MINK1: variants seen among roughly 807,000 people sequenced by gnomAD.
MINK1 encodes the protein misshapen-like kinase 1.
MINK1 carries 46 observed loss-of-function variants against 178.4 expected under a neutral mutation model. The observed-to-expected ratio is 0.26, with a 90% CI of 0.20 to 0.33. The LOEUF is 0.33. Ranked by LOEUF, MINK1 falls within the 10% of genes least tolerant of loss-of-function variation. The pLI is 1.00. For synonymous variants in MINK1, 797 were observed against 709.7 expected, an observed-to-expected ratio of 1.12 and a Z score of -1.96; for missense variants, 1,366 against 1,814.9, an observed-to-expected ratio of 0.75 and a Z score of 4.49.
chr17:4,885,404 CTG>C lies in MINK1; in HGVS notation c.509-72_509-71del. ...GGACCACAGCTGGCTCAGGCAAGTCCTGTGTGTGCACGCAGGGATGTGAGGCA... is the reference window on the plus strand; with the variant it reads ...GGACCACAGCTGGCTCAGGCAAGTCCTGTGTGCACGCAGGGATGTGAGGCA... On this transcript the variant is annotated intron_variant, in intron 6 of 31. Coordinates refer to ENST00000355280, the MANE Select transcript of MINK1 (RefSeq NM_153827.5). The surrounding 1 kb of genome is among the most constrained non-coding windows in gnomAD (Gnocchi z 5.0). 2.5e-6 allele frequency: 4 copies of C among 1,570,772 alleles called. No individual in the cohort carries two copies. The highest frequency in any genetic ancestry group is 3.5e-6 in the Non-Finnish European group (4 of 1,154,086).
At chr17:4,890,141 C>G in intron 13 of MINK1, 2 of 595,056 alleles carry the variant, frequency 3.4e-6, no homozygotes, top group Non-Finnish European at 5.1e-6. Context: ...CTTCCTCCTT[C>G]TCCAACTCGC....
chr17:4,870,786 C>T (rs1010551809), intron 1 of MINK1, among the ~76,000 whole-genome samples: 6 of 152,176 alleles, frequency 3.9e-5, no homozygotes, highest in African/African-American at 9.7e-5. Context: ...GATTACACTA[C>T]TGCACTCCAG....
Position 4,891,498 on chromosome 17 carries a change from C to T in MINK1, c.1783C>T (p.Pro595Ser). The T allele has an allele frequency of 6.2e-7, 1 of 1,609,906 alleles. No homozygotes were observed. Among genetic ancestry groups the T allele is most frequent in the South Asian group, 1.1e-5 (1 of 90,596 alleles). ...GGTCCCACTGAAGCCATATGCAGCA[C>T]CTGTACCCCGATCCCAGTCCCTGCA... ...HRVPLKPYAA[P>S]VPRSQSLQDQ... is the part of the protein sequence containing the mutation. The change falls in exon 16 of 32, where the codon CCT becomes TCT. Residue 595 changes from proline to serine, a missense_variant. Pro to Ser is a moderately conservative substitution (Grantham distance 74). Coordinates refer to ENST00000355280, the MANE Select transcript of MINK1 (RefSeq NM_153827.5).
Position 4,885,410 on chromosome 17 carries a change from G to A in MINK1, c.509-73G>A, listed in dbSNP as rs1968115114. ...CAGCTGGCTCAGGCAAGTCCTGTGT[G>A]TGCACGCAGGGATGTGAGGCAAGGG... On this transcript the variant is annotated intron_variant, in intron 6 of 31. Transcript: ENST00000355280. This position sits in a 1 kb window ranked among gnomAD's most constrained non-coding sequence, Gnocchi z 5.0. 6.3e-6 allele frequency: 10 copies of A among 1,578,946 alleles called. No individual in the cohort carries two copies. The highest frequency in any genetic ancestry group is 1.8e-4 in the Middle Eastern group (1 of 5,468).
chr17:4,881,373 C>A, intron 4 of MINK1, 116 bp downstream of exon 4: 3 of 1,195,376 alleles, frequency 2.5e-6, no homozygotes, highest in South Asian at 1.5e-5. Flanking sequence ...TCCCTCCGGT[C>A]TACCCAGCCT....
intron 1 of MINK1, among the ~76,000 whole-genome samples, chr17:4,848,427 C>T (rs1357627828): frequency 6.6e-6 from 1 of 152,232 alleles, no homozygotes; most frequent in Non-Finnish European, 1.5e-5. Context: ...GTGGCGTGAT[C>T]TCGGCTCACT....
At chr17:4,842,212 A>C (rs1244342309) in intron 1 of MINK1, among the ~76,000 whole-genome samples, 1 of 128,532 alleles carries the variant, frequency 7.8e-6, no homozygotes, top group Admixed American at 8.1e-5. Flanking sequence ...CGACAGAGCG[A>C]GACTCTGTCC....
Position 4,895,446 on chromosome 17 carries a change from A to C in MINK1, c.3182A>C (p.Gln1061Pro). 1.9e-6 allele frequency: 3 copies of C among 1,605,872 alleles called. No individual in the cohort carries two copies. Among genetic ancestry groups the C allele is most frequent in the Non-Finnish European group, 2.6e-6 (3 of 1,175,188 alleles). ...GGACTCATTGGGCGGCGACGCTTCCAGCAGATGGATGTGCTGGAGGGGCTC... is the reference window on the plus strand; with the variant it reads ...GGACTCATTGGGCGGCGACGCTTCCCGCAGATGGATGTGCTGGAGGGGCTC... ...VYGLIGRRRF[Q>P]QMDVLEGLNL... Residue 1061 changes from glutamine (Q) to proline (P), a missense_variant, in exon 26 of 32, where the codon CAG (glutamine) becomes CCG (proline). Gln to Pro is a moderately conservative substitution (Grantham distance 76). Transcript: ENST00000355280. The surrounding 1 kb of genome is among the most constrained non-coding windows in gnomAD (Gnocchi z 4.3).
At position 4,873,611 on chromosome 17, in the gene MINK1, T is replaced by A. The variant is rs533316404; in HGVS notation, c.58-4706T>A. On this transcript the variant is annotated intron_variant, in intron 1 of 31. Coordinates refer to ENST00000355280, the MANE Select transcript of MINK1 (RefSeq NM_153827.5). Reference sequence around the variant, plus strand: ...CAGCATGGTCTTCGCCACTCTTTTTTCTTTTCTTTTTTTTTTTTTTTTTTT... The same window carrying A: ...CAGCATGGTCTTCGCCACTCTTTTTACTTTTCTTTTTTTTTTTTTTTTTTT... Among the ~76,000 whole-genome samples, 5 of 122,020 alleles carry A rather than the reference T, an allele frequency of 4.1e-5. No individual in the cohort carries two copies. The South Asian group carries it at 7.4e-4, about 18-fold the overall frequency. 80.0% of individuals were successfully genotyped at this position (122,020 alleles called of 152,430 possible). A position where few individuals can be genotyped will look rare whatever the true frequency, so the allele number is the denominator to read the frequency against.
rs1405668151 is a variant in MINK1, at chr17:4,894,045, C to T, written c.2622C>T (p.Ile874=). The T allele has an allele frequency of 6.3e-7, 1 of 1,589,280 alleles. No homozygotes were observed. The highest frequency in any genetic ancestry group is 2.2e-5 in the East Asian group (1 of 44,486). ...TGGTGGTCCACGACGTCGAGGAGAT[C>T]ACCGGGACCCAGCCCCCATACGGGG... The part of the protein sequence containing the change: ...STMVVHDVEE[I]TGTQPPYGGG... Residue 874 remains isoleucine, a synonymous_variant, in exon 22 of 32, where the codon ATC becomes ATT. Transcript: ENST00000355280. This position sits in a 1 kb window ranked among gnomAD's most constrained non-coding sequence, Gnocchi z 4.1.
intron 18 of MINK1, 47 bp downstream of exon 18, chr17:4,892,559 C>G: frequency 6.5e-7 from 1 of 1,541,328 alleles, no homozygotes; most frequent in Non-Finnish European, 8.9e-7. Context: ...ACTTCTGCCA[C>G]CCGCTTCCCT....
chr17:4,891,075 A>G lies in MINK1; in HGVS notation c.1691A>G (p.Gln564Arg). 1 of 1,553,050 alleles carries G rather than the reference A, an allele frequency of 6.4e-7. No homozygotes were observed. The highest frequency in any genetic ancestry group is 1.2e-5 in the South Asian group (1 of 84,172). ...ASPGPPGPLS[Q>R]TPPMQRPVEP... ...CCAGGGCCCCCAGGACCCCTTTCCC[A>G]GACTCCTCCTATGCAGAGGCCGGTG... Residue 564 changes from glutamine (Q) to arginine (R), a missense_variant, in exon 15 of 32, where the codon CAG becomes CGG. This residue lies in a region of MINK1 where 709 missense variants were observed against 692.3 expected (regional missense o/e 1.02). Transcript: ENST00000355280.
chr17:4,895,210 T>G lies in MINK1; in HGVS notation c.3053T>G (p.Phe1018Cys). Residue 1018 changes from phenylalanine (F) to cysteine (C), a missense_variant, in exon 25 of 32, where the codon TTC becomes TGC. Physicochemically the swap from Phe to Cys is radical, Grantham distance 205. Coordinates refer to ENST00000355280, the MANE Select transcript of MINK1 (RefSeq NM_153827.5). This position sits in a 1 kb window ranked among gnomAD's most constrained non-coding sequence, Gnocchi z 4.3. ...TPEIRKYKKRFNSEILCAALW... is the reference protein window; with the variant it reads ...TPEIRKYKKRCNSEILCAALW... ...GAGATCCGGAAGTACAAGAAGCGAT[T>G]CAACTCCGAGATCCTCTGTGCAGCC... The G allele has an allele frequency of 6.2e-7, 1 of 1,614,074 alleles. No homozygotes were observed.
rs1044687783 is a variant in MINK1, at chr17:4,833,882, C to G, written c.57+242C>G. Among the ~76,000 whole-genome samples the G allele has an allele frequency of 6.6e-6, 1 of 152,198 alleles. No homozygotes were observed. The highest frequency in any genetic ancestry group is 1.5e-5 in the Non-Finnish European group (1 of 68,016). ...GTCCCCACCCTGTGGTGCCCCGCCC[C>G]CACACTTCCGTGCCACCCTACCTTT... On this transcript the variant is annotated intron_variant, in intron 1 of 31. Coordinates refer to ENST00000355280, the MANE Select transcript of MINK1 (RefSeq NM_153827.5). This position sits in a 1 kb window ranked among gnomAD's most constrained non-coding sequence, Gnocchi z 4.8.
Position 4,897,528 on chromosome 17 carries a change from C to T in MINK1, c.*241C>T. 2.0e-6 allele frequency: 1 copy of T among 509,338 alleles called. No individual in the cohort carries two copies. 31.6% of individuals were successfully genotyped at this position (509,338 alleles called of 1,614,324 possible). A position where few individuals can be genotyped will look rare whatever the true frequency, so the allele number is the denominator to read the frequency against. On this transcript the variant is annotated 3_prime_UTR_variant, in exon 32 of 32. Transcript: ENST00000355280. ...CCCCAGCTTCTGGGGAGGGACACAG[C>T]TTCCCCTTCCCAGGAATTGAGTGGG... is the stretch of plus-strand genomic sequence containing the variant.
chr17:4,892,577 G>T, intron 18 of MINK1, 65 bp downstream of exon 18: 1 of 1,536,610 alleles, frequency 6.5e-7, no homozygotes. Flanking sequence ...CCTGGTGATG[G>T]CTCCCTCTGC....
chr17:4,890,450 G>T (rs893399550), intron 13 of MINK1, 67 bp from the exon 14 acceptor site: 32 of 1,525,164 alleles, frequency 2.1e-5, no homozygotes, highest in Admixed American at 6.1e-5. Context: ...AGAAAAGAGA[G>T]GGCATGCCTG....
intron 20 of MINK1, 117 bp downstream of exon 20, chr17:4,893,184 GAGGGACTGGT>G: frequency 6.5e-7 from 1 of 1,534,260 alleles, no homozygotes; most frequent in Non-Finnish European, 8.9e-7. Context: ...TGTGGGGATG[GAGGGACTGGT>G]GCTTCTCATG....
intron 4 of MINK1, among the ~76,000 whole-genome samples, chr17:4,881,803 AAG>A (rs1375341203): frequency 6.6e-6 from 1 of 152,168 alleles, no homozygotes; most frequent in Non-Finnish European, 1.5e-5. Flanking sequence ...GAACATTCCT[AAG>A]AGTCATTCCC....
Sources: allele counts gnomAD v4.1 joint callset (sites outside exome capture counted in the v4.1 genomes callset), GRCh38; gene constraint gnomAD v4.1.1; regional missense constraint gnomAD v4.1.1; non-coding constraint Gnocchi (gnomAD v3.1); transcripts MANE v1.5; gene names NCBI Gene and HGNC (gene_info 2026-07-23, HGNC 2026-07-21).